SORBS2: variants seen among roughly 807,000 people sequenced by gnomAD.
SORBS2 encodes sorbin and SH3 domain containing 2.
A neutral mutation model predicts 97.7 loss-of-function variants in SORBS2; 46 were observed. That is an observed-to-expected ratio of 0.47 (90% CI 0.37 to 0.60). The LOEUF is 0.60. Ranked by LOEUF, SORBS2 falls within the 20% of genes least tolerant of loss-of-function variation. The pLI, the probability that SORBS2 is intolerant of heterozygous loss-of-function variation, is 0.00. For synonymous variants in SORBS2, 476 were observed against 473.4 expected, an observed-to-expected ratio of 1.01 and a Z score of -0.07; for missense variants, 1,316 against 1,282.3, an observed-to-expected ratio of 1.03 and a Z score of -0.40.
At chr4:185,887,911 T>C (rs953074042) in intron 1 of SORBS2, among the ~76,000 whole-genome samples, 1 of 151,986 alleles carries the variant, frequency 6.6e-6, no homozygotes, top group Non-Finnish European at 1.5e-5. Flanking sequence ...GTTGCTTTTT[T>C]GTTTGACTTT....
intron 1 of SORBS2, among the ~76,000 whole-genome samples, chr4:185,878,564 C>T (rs929461223): frequency 6.6e-6 from 1 of 152,164 alleles, no homozygotes; most frequent in African/African-American, 2.4e-5. Context: ...CCGCTAAGGA[C>T]CTGCTGAATA....
Position 185,790,484 on chromosome 4 carries a change from C to T in SORBS2, c.-337-15118G>A, listed in dbSNP as rs913929280. On this transcript the variant is annotated intron_variant, in intron 1 of 20. Transcript: ENST00000284776. Reference sequence around the variant, plus strand: ...TTGAATGTGTACTAATAGCTTCCTCCAATGAATAAGGACTCTAAACTTCAG... The same window carrying T: ...TTGAATGTGTACTAATAGCTTCCTCTAATGAATAAGGACTCTAAACTTCAG... Among the ~76,000 whole-genome samples the T allele has an allele frequency of 1.1e-4, 16 of 152,258 alleles. No individual in the cohort carries two copies. In the East Asian group the frequency reaches 3.1e-3, roughly 29 times the overall value.
At chr4:185,897,005 G>A (rs2099245372) in intron 1 of SORBS2, among the ~76,000 whole-genome samples, 1 of 152,088 alleles carries the variant, frequency 6.6e-6, no homozygotes, top group Non-Finnish European at 1.5e-5. Context: ...CAATTGCGGA[G>A]GCTCAGGAAA....
intron 2 of SORBS2, among the ~76,000 whole-genome samples, chr4:185,692,864 T>A (rs2098120559): frequency 6.6e-6 from 1 of 152,200 alleles, no homozygotes; most frequent in Non-Finnish European, 1.5e-5. Flanking sequence ...TAGGACTCAA[T>A]AAATGCTAAA....
chr4:185,817,393 G>A (rs1461871119), intron 1 of SORBS2, among the ~76,000 whole-genome samples: 1 of 152,180 alleles, frequency 6.6e-6, no homozygotes, highest in Non-Finnish European at 1.5e-5. Flanking sequence ...CAAGGAATTT[G>A]ACTGTTTATA....
chr4:185,888,684 A>G (rs4862586), intron 1 of SORBS2, among the ~76,000 whole-genome samples: 35,873 of 152,098 alleles, frequency 0.24, 4,703 homozygotes, highest in East Asian at 0.54. Flanking sequence ...CCCCATCTCT[A>G]GGTTCTAAAA....
chr4:185,590,482 C>CAGTT (rs1379822175), intron 13 of SORBS2, among the ~76,000 whole-genome samples: 2 of 152,102 alleles, frequency 1.3e-5, no homozygotes, highest in Non-Finnish European at 2.9e-5. Flanking sequence ...ATTCTATGTG[C>CAGTT]AGTTATTACT....
chr4:185,604,282 A>T (rs61541120), intron 12 of SORBS2, among the ~76,000 whole-genome samples: 4,320 of 152,314 alleles, frequency 0.028, 212 homozygotes, highest in African/African-American at 0.098. Context: ...ATCTGAATGC[A>T]TACATCTTAC....
intron 2 of SORBS2, among the ~76,000 whole-genome samples, chr4:185,739,569 G>A (rs776438461): frequency 3.3e-5 from 5 of 152,190 alleles, no homozygotes; most frequent in Non-Finnish European, 7.3e-5. Flanking sequence ...TGGTGCATGA[G>A]GGGATGTGCG....
chr4:185,859,091 GA>G (rs56076819), intron 1 of SORBS2, among the ~76,000 whole-genome samples: 28,856 of 152,038 alleles, frequency 0.19, 3,641 homozygotes, highest in East Asian at 0.55. Flanking sequence ...AAATTGCCAA[GA>G]AAACAACAAC....
intron 2 of SORBS2, among the ~76,000 whole-genome samples, chr4:185,705,757 G>A (rs73015508): frequency 8.5e-5 from 13 of 152,124 alleles, no homozygotes; most frequent in Non-Finnish European, 1.9e-4. Context: ...CCATCGTGAA[G>A]TGGTTTGTCA....
intron 2 of SORBS2, among the ~76,000 whole-genome samples, chr4:185,746,610 G>A (rs1039722986): frequency 2.6e-5 from 4 of 152,122 alleles, no homozygotes; most frequent in Non-Finnish European, 2.9e-5. Context: ...GGGCCACCGC[G>A]CCCGGCCTTA....
At chr4:185,953,040 C>G (rs1369553339) in intron 1 of SORBS2, among the ~76,000 whole-genome samples, 1 of 152,224 alleles carries the variant, frequency 6.6e-6, no homozygotes, top group African/African-American at 2.4e-5. Flanking sequence ...CCAGGCCGGG[C>G]GCGGTGGCTC....
At chr4:185,839,043 G>T (rs1245172874) in intron 1 of SORBS2, among the ~76,000 whole-genome samples, 1 of 152,180 alleles carries the variant, frequency 6.6e-6, no homozygotes, top group Non-Finnish European at 1.5e-5. Context: ...GACTCTTCAA[G>T]GCCCCAACAC....
At chr4:185,892,645 G>A (rs2099243074) in intron 1 of SORBS2, among the ~76,000 whole-genome samples, 1 of 152,220 alleles carries the variant, frequency 6.6e-6, no homozygotes, top group Non-Finnish European at 1.5e-5. Flanking sequence ...TGTGGACAGT[G>A]TGCATGGTGA....
rs115491189 is a variant in SORBS2 at position 185,890,601 on chromosome 4, C to T, written c.-338+65595G>A. 8.0e-3 allele frequency among the ~76,000 whole-genome samples: 1,218 copies of T among 152,320 alleles called. 5 individuals carry two copies. Among genetic ancestry groups the T allele is most frequent in the Middle Eastern group, 0.014 (4 of 294 alleles). ...CAGTCTCACCCTGACGGCTTCATGA[C>T]GTGATCACGCTCCACTCAGTGGTCT... is the stretch of plus-strand genomic sequence containing the variant. On this transcript the variant is annotated intron_variant, in intron 1 of 20. Coordinates refer to the SORBS2 transcript ENST00000284776.
intron 14 of SORBS2, among the ~76,000 whole-genome samples, chr4:185,588,982 T>C (rs2095857953): frequency 6.6e-6 from 1 of 152,142 alleles, no homozygotes; most frequent in African/African-American, 2.4e-5. Flanking sequence ...AATTCTTTCA[T>C]GATTTTGCCA....
At chr4:185,640,777 C>T (rs1432520532) in intron 4 of SORBS2, among the ~76,000 whole-genome samples, 1 of 152,118 alleles carries the variant, frequency 6.6e-6, no homozygotes, top group Non-Finnish European at 1.5e-5. Context: ...GGGTAACTGA[C>T]AGGAGAGAGA....
chr4:185,600,737 G>C (rs933800044), intron 12 of SORBS2, among the ~76,000 whole-genome samples: 3 of 152,220 alleles, frequency 2.0e-5, no homozygotes, highest in African/African-American at 7.2e-5. Flanking sequence ...TGCAAGGTGA[G>C]ATAGAGGAGA....
Sources: gnomAD v4.1 joint callset for allele counts (sites outside exome capture counted in the v4.1 genomes callset) on GRCh38, gnomAD v4.1.1 for gene constraint, MANE v1.5 for transcripts, NCBI Gene and HGNC (gene_info 2026-07-23, HGNC 2026-07-21) for gene names.